Variants in ANO2 observed in about 807,000 individuals in gnomAD.
ANO2 encodes the protein anoctamin-2.
Under a neutral mutation model 124.2 loss-of-function variants are expected in ANO2, and 101 were observed. The ratio of observed to expected loss-of-function variants is 0.81; its 90% CI spans 0.69 to 0.96. The LOEUF (loss-of-function observed/expected upper bound fraction) is 0.96, where lower values mean the gene tolerates loss of function less well. Ranked by LOEUF, ANO2 falls within the 40% of genes least tolerant of loss-of-function variation. The probability of loss-of-function intolerance (pLI) is 0.00; values close to 1 mark genes in which losing one functional copy is unlikely to be tolerated. For missense variants in ANO2, 1,293 were observed against 1,274.5 expected, an observed-to-expected ratio of 1.01 and a Z score of -0.22; for synonymous variants, 486 against 482.5, an observed-to-expected ratio of 1.01 and a Z score of -0.09.
chr12:5,638,534 C>A lies in ANO2; in HGVS notation c.1621-3187G>T, dbSNP rs1946162771. On this transcript the variant is annotated intron_variant, in intron 15 of 24. Transcript: ENST00000682330. The stretch of plus-strand genomic sequence containing the variant: ...ACAGGCGTGAGCCACCATGGCCGGC[C>A]CACATTATTGATTTTCTTTATTAAG... Among the ~76,000 whole-genome samples, 2 of 129,212 alleles carry A rather than the reference C, an allele frequency of 1.5e-5. 1 individual carries two copies. The highest frequency in any genetic ancestry group is 3.4e-5 in the Non-Finnish European group (2 of 58,228). 84.8% of individuals were successfully genotyped at this position (129,212 alleles called of 152,430 possible). A position where few individuals can be genotyped will look rare whatever the true frequency, so the allele number is the denominator to read the frequency against.
chr12:5,755,827 G>C (rs11063849), intron 10 of ANO2, among the ~76,000 whole-genome samples: 1 of 152,140 alleles, frequency 6.6e-6, no homozygotes, highest in Non-Finnish European at 1.5e-5. Flanking sequence ...AGGTGACTCA[G>C]TGTTAACCTC....
chr12:5,659,987 C>T (rs1947358642), intron 14 of ANO2, among the ~76,000 whole-genome samples: 3 of 152,122 alleles, frequency 2.0e-5, no homozygotes, highest in South Asian at 2.1e-4. Flanking sequence ...GCAAGCAAGT[C>T]GTCATCCCTC....
intron 19 of ANO2, chr12:5,609,233 G>C (rs965923902): frequency 2.0e-5 from 3 of 152,146 alleles, no homozygotes; most frequent in Admixed American, 2.0e-4. Context: ...GGAACGGGGG[G>C]CACAGCTTCA....
At chr12:5,673,326 T>C (rs929517247) in intron 14 of ANO2, among the ~76,000 whole-genome samples, 3 of 152,194 alleles carry the variant, frequency 2.0e-5, no homozygotes, top group African/African-American at 7.2e-5. Flanking sequence ...CTTTTTGTCC[T>C]AGGTCCTTCC....
intron 15 of ANO2, among the ~76,000 whole-genome samples, chr12:5,642,127 T>C (rs978930587): frequency 5.9e-5 from 9 of 152,180 alleles, no homozygotes; most frequent in Non-Finnish European, 1.0e-4. Context: ...TTTGAAATGC[T>C]TTCTTGACTT....
At chr12:5,575,258 G>GC (rs1221732529) in intron 23 of ANO2, among the ~76,000 whole-genome samples, 4 of 152,148 alleles carry the variant, frequency 2.6e-5, no homozygotes, top group Admixed American at 6.5e-5. Flanking sequence ...CCAGACCATA[G>GC]CCCCCTTGAT....
intron 4 of ANO2, among the ~76,000 whole-genome samples, chr12:5,833,586 G>A (rs903138770): frequency 4.6e-5 from 7 of 152,118 alleles, no homozygotes; most frequent in African/African-American, 1.4e-4. Flanking sequence ...ACTGGTCCAT[G>A]GCCTGTTAGG....
intron 14 of ANO2, among the ~76,000 whole-genome samples, chr12:5,662,904 A>C (rs1591842355): frequency 6.6e-6 from 1 of 152,206 alleles, no homozygotes; most frequent in Admixed American, 6.5e-5. Flanking sequence ...ACCTTCTCCA[A>C]ACCTGGGAAC....
At chr12:5,768,444 G>C (rs11063856) in intron 10 of ANO2, among the ~76,000 whole-genome samples, 3 of 152,166 alleles carry the variant, frequency 2.0e-5, no homozygotes, top group Admixed American at 6.5e-5. Flanking sequence ...GAAGAGAAGA[G>C]AGTCTATATC....
chr12:5,797,076 C>T (rs1438238999), intron 10 of ANO2, among the ~76,000 whole-genome samples: 2 of 152,192 alleles, frequency 1.3e-5, no homozygotes, highest in African/African-American at 4.8e-5. Flanking sequence ...TCCCCTGCTC[C>T]GTCACTCTTC....
intron 16 of ANO2, among the ~76,000 whole-genome samples, chr12:5,633,423 C>G (rs1000689556): frequency 1.3e-5 from 2 of 152,146 alleles, no homozygotes; most frequent in Non-Finnish European, 2.9e-5. Context: ...TCCACTCTTG[C>G]CTTGATCTAA....
At chr12:5,830,636 G>T in intron 5 of ANO2, 147 bp from the exon 6 acceptor site, 1 of 510,854 alleles carries the variant, frequency 2.0e-6, no homozygotes, top group South Asian at 5.6e-5. Context: ...TGCCCTTCTT[G>T]ACTCAGTAAT....
intron 14 of ANO2, among the ~76,000 whole-genome samples, chr12:5,677,396 G>A (rs1948295527): frequency 6.6e-6 from 1 of 152,210 alleles, no homozygotes; most frequent in Non-Finnish European, 1.5e-5. Context: ...TCCATGTGGA[G>A]CTGATGTCCT....
At chr12:5,817,395 G>T (rs1953644103) in intron 7 of ANO2, among the ~76,000 whole-genome samples, 1 of 152,230 alleles carries the variant, frequency 6.6e-6, no homozygotes, top group African/African-American at 2.4e-5. Flanking sequence ...AATCAACTGA[G>T]TAGAATGTGT....
chr12:5,733,081 G>A (rs760319966), intron 13 of ANO2: 113 of 628,666 alleles, frequency 1.8e-4, no homozygotes, highest in Admixed American at 3.7e-4. Flanking sequence ...CCACAGCTGG[G>A]AGTGAGGGCA....
At chr12:5,920,312 A>C (rs1215161999) in intron 3 of ANO2, among the ~76,000 whole-genome samples, 3 of 152,184 alleles carry the variant, frequency 2.0e-5, no homozygotes, top group Non-Finnish European at 2.9e-5. Flanking sequence ...TTAGTGAATG[A>C]GATTCATATA....
chr12:5,613,370 C>A (rs562668512), intron 17 of ANO2, among the ~76,000 whole-genome samples: 1 of 152,082 alleles, frequency 6.6e-6, no homozygotes, highest in African/African-American at 2.4e-5. Flanking sequence ...CCCAGGAAAG[C>A]GAGGGTGAGA....
chr12:5,786,686 C>T (rs1202446224), intron 10 of ANO2, among the ~76,000 whole-genome samples: 1 of 152,176 alleles, frequency 6.6e-6, no homozygotes. Flanking sequence ...TCCGCCTCCC[C>T]ACCACCTCCC....
chr12:5,665,837 C>T (rs1049321307), intron 14 of ANO2, among the ~76,000 whole-genome samples: 1 of 152,052 alleles, frequency 6.6e-6, no homozygotes, highest in Non-Finnish European at 1.5e-5. Flanking sequence ...GCCAGGCTTC[C>T]TACTCTGTAC....
Sources: allele counts gnomAD v4.1 joint callset (sites outside exome capture counted in the v4.1 genomes callset), GRCh38; gene constraint gnomAD v4.1.1; transcripts MANE v1.5; gene names NCBI Gene and HGNC (gene_info 2026-07-23, HGNC 2026-07-21).